The following TDRD12 variants were observed in gnomAD, a reference collection of about 807,000 sequenced individuals.
The protein encoded by TDRD12 is tudor domain containing 12, also known as putative ATP-dependent RNA helicase TDRD12.
Under a neutral mutation model 133.5 loss-of-function variants are expected in TDRD12, and 158 were observed. That is an observed-to-expected ratio of 1.18 (90% CI 1.04 to 1.35). The LOEUF (loss-of-function observed/expected upper bound fraction) is 1.35, where lower values mean the gene tolerates loss of function less well. Ranked by LOEUF, TDRD12 falls within the 40% of genes most tolerant of loss-of-function variation. The pLI is 0.00. For missense variants in TDRD12, 1,443 were observed against 1,321.3 expected, an observed-to-expected ratio of 1.09 and a Z score of -1.43; for synonymous variants, 460 against 477.9, an observed-to-expected ratio of 0.96 and a Z score of 0.49.
chr19:32,770,786 A>G (rs1175559574), intron 8 of TDRD12, among the ~76,000 whole-genome samples: 1 of 152,224 alleles, frequency 6.6e-6, no homozygotes, highest in African/African-American at 2.4e-5. Context: ...CGCACATGGT[A>G]CCTATCACAT....
intron 4 of TDRD12, among the ~76,000 whole-genome samples, chr19:32,746,914 G>C (rs558390256): frequency 1.4e-5 from 2 of 147,966 alleles, no homozygotes; most frequent in East Asian, 4.1e-4. Flanking sequence ...GAGAGGGAGA[G>C]ACTGGCTGAT....
At chr19:32,825,606 G>A (rs1568502664), downstream of TDRD12, among the ~76,000 whole-genome samples, 1 of 152,182 alleles carries the variant, frequency 6.6e-6, no homozygotes, top group Non-Finnish European at 1.5e-5. This position sits in a 1 kb window ranked among gnomAD's most constrained non-coding sequence, Gnocchi z 4.1. Context: ...TTTAGGCCAG[G>A]CACAGTGGCT....
chr19:32,826,022 GTA>G (rs3842423), downstream of TDRD12: 16 of 1,049,478 alleles, frequency 1.5e-5, no homozygotes, highest in Admixed American at 2.3e-5. Flanking sequence ...GTACAAAAAA[GTA>G]TATATATATG....
At chr19:32,791,014 G>T in exon 13 of TDRD12, 2 of 1,536,208 alleles carry the variant, frequency 1.3e-6, no homozygotes, top group Non-Finnish European at 1.7e-6. Flanking sequence ...TCCGGAACAA[G>T]ATCAAGCCCT....
intron 24 of TDRD12, among the ~76,000 whole-genome samples, chr19:32,811,991 G>A (rs1967021836): frequency 6.6e-6 from 1 of 152,234 alleles, no homozygotes; most frequent in Admixed American, 6.5e-5. Context: ...AGGGACGATG[G>A]GCCAGGAAGG....
intron 11 of TDRD12, among the ~76,000 whole-genome samples, chr19:32,781,464 T>C (rs1970763103): frequency 6.6e-6 from 1 of 152,198 alleles, no homozygotes. Context: ...TCTTACTTGG[T>C]TTACTCCCTT....
chr19:32,822,451 A>C (rs1050397766), downstream of TDRD12, among the ~76,000 whole-genome samples: 1 of 152,018 alleles, frequency 6.6e-6, no homozygotes, highest in Non-Finnish European at 1.5e-5. Context: ...AAATAAACAA[A>C]TAATAGATAA....
chr19:32,753,494 T>C (rs1485501565), intron 6 of TDRD12, among the ~76,000 whole-genome samples: 1 of 151,722 alleles, frequency 6.6e-6, no homozygotes, highest in Admixed American at 6.6e-5. Context: ...CATACCACCA[T>C]GCCTGGCCTC....
exon 28 of TDRD12, chr19:32,821,094 G>A (rs1967369978): frequency 6.5e-7 from 1 of 1,536,026 alleles, no homozygotes; most frequent in Admixed American, 2.0e-5. Context: ...CACGGGTGCA[G>A]AAGGAGGGGC....
intron 14 of TDRD12, among the ~76,000 whole-genome samples, chr19:32,795,582 A>G (rs1971202207): frequency 6.6e-6 from 1 of 152,078 alleles, no homozygotes; most frequent in African/African-American, 2.4e-5. Flanking sequence ...GTCATTTCCT[A>G]GCTCCCCACC....
exon 10 of TDRD12, chr19:32,827,981 T>C (rs1349109207): frequency 6.6e-6 from 1 of 152,180 alleles, no homozygotes; most frequent in Non-Finnish European, 1.5e-5. Flanking sequence ...ACAAACCTGA[T>C]CTTACACATA....
rs61327045 is a variant in TDRD12, at chr19:32,728,645, C to CTT, written c.25-3064_25-3063dup. Among the ~76,000 whole-genome samples the CTT allele has an allele frequency of 1.6e-3, 211 of 129,096 alleles. 2 individuals carry two copies. The highest frequency in any genetic ancestry group is 4.4e-3 in the East Asian group (20 of 4,532). 84.7% of individuals were successfully genotyped at this position (129,096 alleles called of 152,430 possible). A position where few individuals can be genotyped will look rare whatever the true frequency, so the allele number is the denominator to read the frequency against. On this transcript the variant is annotated intron_variant, in intron 1 of 27. Coordinates refer to ENST00000444215, the Ensembl canonical transcript of TDRD12. ...TACCCCTTGTGAAATTTTTCTTTTC[C>CTT]TTTTTTTTTTTTTTTTTGTGACAGA...
chr19:32,733,830 T>C (rs1485796700), intron 2 of TDRD12, among the ~76,000 whole-genome samples: 1 of 152,094 alleles, frequency 6.6e-6, no homozygotes, highest in Non-Finnish European at 1.5e-5. Flanking sequence ...TTAAGACTGT[T>C]TGATTACCCT....
intron 8 of TDRD12, among the ~76,000 whole-genome samples, chr19:32,769,951 A>T (rs184035752): frequency 1.2e-3 from 184 of 149,866 alleles, no homozygotes; most frequent in African/African-American, 4.2e-3. Flanking sequence ...GTGATTTAAT[A>T]TATATTTGGA....
chr19:32,720,360 A>C (rs1295729190), intron 1 of TDRD12, among the ~76,000 whole-genome samples: 1 of 40,748 alleles, frequency 2.5e-5, no homozygotes, highest in Non-Finnish European at 4.6e-5. Flanking sequence ...CCTACTCCCC[A>C]CGCCCACTCC....
In TDRD12 at chr19:32,790,599, A is replaced by G; in HGVS notation, c.1182+8A>G. The stretch of plus-strand genomic sequence containing the variant: ...ATCTCTGATCTCCAGCAGGTATTAC[A>G]GGCCCTAAAAAAAGTAAAATAAAAA... On this transcript the variant is annotated splice_region_variant and intron_variant, in intron 12 of 27. Transcript: ENST00000444215. The G allele has an allele frequency of 1.3e-6, 2 of 1,551,750 alleles. No homozygotes were observed. The highest frequency in any genetic ancestry group is 1.4e-5 in the African/African-American group (1 of 73,170).
chr19:32,752,325 G>A (rs1399614538), intron 6 of TDRD12, among the ~76,000 whole-genome samples: 2 of 152,050 alleles, frequency 1.3e-5, no homozygotes, highest in African/African-American at 4.8e-5. Flanking sequence ...GATAACAGGT[G>A]CCTGCCACCA....
chr19:32,790,850 A>G lies in TDRD12; in HGVS notation c.1183-114A>G, dbSNP rs1971049228. 9.6e-6 allele frequency: 14 copies of G among 1,454,084 alleles called. No homozygotes were observed. In the East Asian group the frequency reaches 3.5e-4, roughly 36 times the overall value. The allele number at this position is 1,454,084 out of a possible 1,614,324, so 90.1% of individuals were successfully genotyped here. Reference sequence around the variant, plus strand: ...TTTCTTTTTTTTTAAGTAAGCATATATACCCAGGTGTTTACATTGAAATCT... The same window carrying G: ...TTTCTTTTTTTTTAAGTAAGCATATGTACCCAGGTGTTTACATTGAAATCT... On this transcript the variant is annotated intron_variant, in intron 12 of 27. Coordinates refer to ENST00000444215, the Ensembl canonical transcript of TDRD12.
At chr19:32,726,441 T>G (rs553416420) in intron 1 of TDRD12, among the ~76,000 whole-genome samples, 1 of 152,186 alleles carries the variant, frequency 6.6e-6, no homozygotes, top group African/African-American at 2.4e-5. Flanking sequence ...TTTTTCCTTT[T>G]GCAAAACTGA....
Sources: allele counts gnomAD v4.1 joint callset (sites outside exome capture counted in the v4.1 genomes callset), GRCh38; gene constraint gnomAD v4.1.1; non-coding constraint Gnocchi (gnomAD v3.1); transcripts MANE v1.5; gene names NCBI Gene and HGNC (gene_info 2026-07-23, HGNC 2026-07-21).